Variants in NFIB observed in about 807,000 individuals in gnomAD.
The protein encoded by NFIB is nuclear factor 1 B-type.
A neutral mutation model predicts 61.5 loss-of-function variants in NFIB; 11 were observed. The observed-to-expected ratio is 0.18, with a 90% CI of 0.11 to 0.30. The LOEUF is 0.30. NFIB is among the 10% of genes least tolerant of loss of function. NFIB has a pLI of 1.00. For synonymous variants in NFIB, 260 were observed against 216.5 expected, an observed-to-expected ratio of 1.20 and a Z score of -1.76; for missense variants, 471 against 608.9, an observed-to-expected ratio of 0.77 and a Z score of 2.38.
the NFIB span, among the ~76,000 whole-genome samples, chr9:14,485,791 C>G: frequency 6.6e-6 from 1 of 152,090 alleles, no homozygotes; most frequent in Non-Finnish European, 1.5e-5. Context: ...AGGAGAATCA[C>G]TCAAACCCGG....
upstream of NFIB, chr9:14,314,243 T>G: frequency 6.7e-6 from 5 of 743,232 alleles, no homozygotes; most frequent in East Asian, 8.0e-5. Flanking sequence ...CGAGCGCTGA[T>G]CTCTGGGGCG....
Position 14,082,668 on chromosome 9 carries a change from G to GTTTTTTTTTTTTTTTT in NFIB, c.*5640_*5641insAAAAAAAAAAAAAAAA, listed in dbSNP as rs35029845. The GTTTTTTTTTTTTTTTT allele has an allele frequency of 5.9e-6, 1 of 168,986 alleles. No individual in the cohort carries two copies. The highest frequency in any genetic ancestry group is 1.2e-5 in the Non-Finnish European group (1 of 82,662). The allele number at this position is 168,986 out of a possible 1,614,324, so 10.5% of individuals were successfully genotyped here. ...GAGTTTTTTGGTAAACATTTTGCTG[G>GTTTTTTTTTTTTTTTT]TTTTTTTTTTTTGTTTGTTTCTTTC... On this transcript the variant is annotated 3_prime_UTR_variant, in exon 11 of 11. Transcript: ENST00000380953.
chr9:14,277,029 T>TA (rs1433651313), intron 2 of NFIB, among the ~76,000 whole-genome samples: 4 of 152,244 alleles, frequency 2.6e-5, no homozygotes, highest in African/African-American at 7.2e-5. Context: ...ATCCACCTGT[T>TA]AAAAAAAGCT....
intron 1 of NFIB, among the ~76,000 whole-genome samples, chr9:14,390,730 C>T (rs1271958160): frequency 6.6e-6 from 1 of 152,216 alleles, no homozygotes; most frequent in East Asian, 1.9e-4. Context: ...GGTTCTTCTT[C>T]TATGTGAGAA....
At chr9:14,095,747 G>A (rs1587118312) in intron 10 of NFIB, among the ~76,000 whole-genome samples, 2 of 152,122 alleles carry the variant, frequency 1.3e-5, no homozygotes, top group Non-Finnish European at 2.9e-5. Flanking sequence ...TCTTAAAGGT[G>A]AAACTTACTT....
chr9:14,214,913 G>A (rs1043536064), intron 2 of NFIB, among the ~76,000 whole-genome samples: 2 of 152,220 alleles, frequency 1.3e-5, no homozygotes, highest in African/African-American at 4.8e-5. Flanking sequence ...CATAAAGTAC[G>A]TGTATACACA....
intron 2 of NFIB, among the ~76,000 whole-genome samples, chr9:14,282,990 A>G (rs2058478416): frequency 6.6e-6 from 1 of 152,226 alleles, no homozygotes; most frequent in Non-Finnish European, 1.5e-5. Flanking sequence ...AGTCCCAGGC[A>G]CATAGTAAGT....
At chr9:14,275,850 C>T (rs1310545115) in intron 2 of NFIB, among the ~76,000 whole-genome samples, 2 of 151,882 alleles carry the variant, frequency 1.3e-5, no homozygotes, top group Admixed American at 6.6e-5. Flanking sequence ...AATTCAGTAA[C>T]CATAATCTAT....
At chr9:14,427,061 G>A in the NFIB span, among the ~76,000 whole-genome samples, 1 of 152,280 alleles carries the variant, frequency 6.6e-6, no homozygotes, top group East Asian at 1.9e-4. Flanking sequence ...GTCTTCTCTA[G>A]ATTCCCAACT....
the NFIB span, among the ~76,000 whole-genome samples, chr9:14,437,441 T>C: frequency 1.8e-4 from 27 of 152,212 alleles, no homozygotes; most frequent in Non-Finnish European, 2.9e-4. Context: ...AAGCAAGAAG[T>C]TCCTGCTTGT....
At chr9:14,386,527 A>G (rs7864649) in intron 1 of NFIB, among the ~76,000 whole-genome samples, 2,267 of 152,250 alleles carry the variant, frequency 0.015, 62 homozygotes, top group African/African-American at 0.053. Context: ...AATAATTCCC[A>G]CATTATTTAA....
chr9:14,437,114 C>T, the NFIB span, among the ~76,000 whole-genome samples: 9 of 152,176 alleles, frequency 5.9e-5, no homozygotes. Flanking sequence ...CTCTGTGTCT[C>T]TATTTCCTCA....
chr9:14,525,316 T>C, the NFIB span, among the ~76,000 whole-genome samples: 1 of 152,148 alleles, frequency 6.6e-6, no homozygotes, highest in Non-Finnish European at 1.5e-5. Context: ...AAATAGTCAA[T>C]GGTTGGGTTC....
At chr9:14,106,533 G>C (rs970411373) in intron 10 of NFIB, among the ~76,000 whole-genome samples, 3 of 152,042 alleles carry the variant, frequency 2.0e-5, no homozygotes, top group African/African-American at 4.8e-5. Flanking sequence ...TCTGGAAAGA[G>C]AACCTTGTTC....
intron 1 of NFIB, among the ~76,000 whole-genome samples, chr9:14,347,092 G>A (rs2061033826): frequency 6.6e-6 from 1 of 151,824 alleles, no homozygotes; most frequent in South Asian, 2.1e-4. Context: ...CGTCTCCTGA[G>A]CTCCACGCCG....
At chr9:14,417,478 G>C in the NFIB span, among the ~76,000 whole-genome samples, 1 of 152,162 alleles carries the variant, frequency 6.6e-6, no homozygotes, top group Non-Finnish European at 1.5e-5. Flanking sequence ...AGTCTCCTGA[G>C]ATTTTAAAAA....
At chr9:14,280,818 G>A (rs2058325018) in intron 2 of NFIB, among the ~76,000 whole-genome samples, 1 of 152,122 alleles carries the variant, frequency 6.6e-6, no homozygotes, top group South Asian at 2.1e-4. Context: ...AAGGTGGCCA[G>A]GGAGACTACA....
upstream of NFIB, among the ~76,000 whole-genome samples, chr9:14,314,935 G>A (rs2132774410): frequency 6.6e-6 from 1 of 152,010 alleles, no homozygotes; most frequent in South Asian, 2.1e-4. Flanking sequence ...ATCCGAGTGG[G>A]AGAAGCACCG....
intron 10 of NFIB, among the ~76,000 whole-genome samples, chr9:14,090,943 C>T (rs914794314): frequency 6.6e-6 from 1 of 151,978 alleles, no homozygotes; most frequent in African/African-American, 2.4e-5. Context: ...TGTCATTATT[C>T]TTTGGAAAAT....
Sources: allele counts gnomAD v4.1 joint callset (sites outside exome capture counted in the v4.1 genomes callset), GRCh38; gene constraint gnomAD v4.1.1; transcripts MANE v1.5; gene names NCBI Gene and HGNC (gene_info 2026-07-23, HGNC 2026-07-21).